Variants in PARD3B observed in about 807,000 individuals in gnomAD.
PARD3B encodes par-3 family cell polarity regulator beta.
Under a neutral mutation model 130.2 loss-of-function variants are expected in PARD3B, and 103 were observed. The observed-to-expected ratio is 0.79, with a 90% confidence interval of 0.67 to 0.93. PARD3B has a LOEUF of 0.93. Among genes scored for constraint, PARD3B ranks in the 40% least tolerant of loss-of-function variants. The pLI, the probability that PARD3B is intolerant of heterozygous loss-of-function variation, is 0.00. For synonymous variants in PARD3B, 583 were observed against 553.2 expected (o/e 1.05, Z -0.76); for missense variants, 1,609 against 1,499.2 (o/e 1.07, Z -1.21).
chr2:205,474,337 T>C (rs1457547833), intron 20 of PARD3B, among the ~76,000 whole-genome samples: 1 of 152,120 alleles, frequency 6.6e-6, no homozygotes, highest in East Asian at 1.9e-4. Context: ...TTTCTTCTGG[T>C]TTTTTGTTTG....
intron 18 of PARD3B, among the ~76,000 whole-genome samples, chr2:205,377,559 A>G (rs978392138): frequency 6.6e-6 from 1 of 151,990 alleles, no homozygotes; most frequent in African/African-American, 2.4e-5. Context: ...CCCCAGCCCT[A>G]TACTCAAAGA....
At chr2:204,775,171 G>T (rs1338824120) in intron 2 of PARD3B, among the ~76,000 whole-genome samples, 1 of 152,238 alleles carries the variant, frequency 6.6e-6, no homozygotes, top group Non-Finnish European at 1.5e-5. Context: ...AAGTAACTTT[G>T]TTCGTAAATA....
intron 1 of PARD3B, among the ~76,000 whole-genome samples, chr2:204,674,407 C>T (rs1005361981): frequency 3.6e-4 from 55 of 151,768 alleles, no homozygotes; most frequent in African/African-American, 1.2e-3. Flanking sequence ...GTTAGAGAAA[C>T]GCAGCTAACA....
rs550938627 is a variant in PARD3B at position 205,156,284 on chromosome 2, A to G, written c.1435-2438A>G. The stretch of plus-strand genomic sequence containing the variant: ...TTGTGGGGTGGGCGGGGGGGGGAGG[A>G]ATAGCATTAGGAGATATACCTAATG... On this transcript the variant is annotated intron_variant, in intron 10 of 22. Coordinates refer to ENST00000406610, the MANE Select transcript of PARD3B (RefSeq NM_001302769.2). Among the ~76,000 whole-genome samples, 868 of 145,748 alleles carry G rather than the reference A, an allele frequency of 6.0e-3. 11 individuals are homozygous for G. Among genetic ancestry groups the G allele is most frequent in the Non-Finnish European group, 8.3e-3 (553 of 66,440 alleles).
intron 4 of PARD3B, among the ~76,000 whole-genome samples, chr2:205,051,962 T>G (rs1699221025): frequency 6.6e-6 from 1 of 152,154 alleles, no homozygotes; most frequent in Non-Finnish European, 1.5e-5. Context: ...GTATAGCAAA[T>G]CCAACTCTAT....
chr2:204,934,079 A>G (rs1405161135), intron 2 of PARD3B, among the ~76,000 whole-genome samples: 1 of 152,202 alleles, frequency 6.6e-6, no homozygotes, highest in African/African-American at 2.4e-5. Context: ...TGCCTAGGGT[A>G]AAGCCATAAT....
intron 2 of PARD3B, among the ~76,000 whole-genome samples, chr2:204,705,784 G>C (rs1170229967): frequency 6.6e-6 from 1 of 152,160 alleles, no homozygotes; most frequent in Non-Finnish European, 1.5e-5. Flanking sequence ...CCAAAGCAGT[G>C]AAGTGTGTGG....
At chr2:204,953,366 A>C (rs968676256) in intron 2 of PARD3B, among the ~76,000 whole-genome samples, 3 of 151,662 alleles carry the variant, frequency 2.0e-5, no homozygotes, top group African/African-American at 7.3e-5. Flanking sequence ...ATCAGAAACA[A>C]AATTGTGTGT....
rs148850381 is a variant in PARD3B, at chr2:204,606,670, C to G, written c.120+60551C>G. Among the ~76,000 whole-genome samples, 2 of 152,116 alleles carry G rather than the reference C, an allele frequency of 1.3e-5. No homozygotes were observed. Among genetic ancestry groups the G allele is most frequent in the Non-Finnish European group, 1.5e-5 (1 of 68,030 alleles). On this transcript the variant is annotated intron_variant, in intron 1 of 22. Coordinates refer to ENST00000406610, the MANE Select transcript of PARD3B (RefSeq NM_001302769.2). This position sits in a 1 kb window ranked among gnomAD's most constrained non-coding sequence, Gnocchi z 4.0. ...AAGCTCCAGTGGCTACCACAGATGA[C>G]GCACTGGTCTCATTACCTATTCCGG...
chr2:204,901,414 G>T (rs904562683), intron 2 of PARD3B, among the ~76,000 whole-genome samples: 19 of 152,134 alleles, frequency 1.2e-4, no homozygotes, highest in African/African-American at 4.3e-4. Context: ...TACTGCTGGT[G>T]TTCATTCAAG....
intron 19 of PARD3B, among the ~76,000 whole-genome samples, chr2:205,406,038 G>A (rs1426205019): frequency 6.6e-6 from 1 of 152,078 alleles, no homozygotes; most frequent in East Asian, 1.9e-4. Flanking sequence ...GGAATATCCC[G>A]TGCCTCTCTC....
chr2:205,550,941 G>A lies in PARD3B; in HGVS notation c.3181-2383G>A, dbSNP rs184662488. On this transcript the variant is annotated intron_variant, in intron 21 of 22. Coordinates refer to ENST00000406610, the MANE Select transcript of PARD3B (RefSeq NM_001302769.2). The surrounding 1 kb of genome is among the most constrained non-coding windows in gnomAD (Gnocchi z 4.5). ...TATAATTATGTGTGTGTGTGTGTGT[G>A]TATATATATATGTGTATATATATAT... Among the ~76,000 whole-genome samples, 48,568 of 114,604 alleles carry A rather than the reference G, an allele frequency of 0.42. 9,716 individuals carry two copies. Among genetic ancestry groups the A allele is most frequent in the Admixed American group, 0.57 (6,745 of 11,812 alleles). The allele number at this position is 114,604 out of a possible 152,430, so 75.2% of individuals were successfully genotyped here.
At position 204,568,564 on chromosome 2, in the gene PARD3B, T is replaced by C. The variant is rs553019740; in HGVS notation, c.120+22445T>C. 3.9e-5 allele frequency among the ~76,000 whole-genome samples: 6 copies of C among 152,328 alleles called. No homozygotes were observed. In the East Asian group the frequency reaches 1.2e-3, roughly 29 times the overall value. On this transcript the variant is annotated intron_variant, in intron 1 of 22. Transcript: ENST00000406610. ...ATCAGTTTTCAAGTTAAGAGATTTC[T>C]CTGAAGCAGCAATTACAACACTTAT... is the stretch of plus-strand genomic sequence containing the variant.
At chr2:204,803,065 A>G (rs986445203) in intron 2 of PARD3B, among the ~76,000 whole-genome samples, 6 of 149,746 alleles carry the variant, frequency 4.0e-5, no homozygotes, top group Non-Finnish European at 8.9e-5. Flanking sequence ...GTTGTGCTCC[A>G]GTACATCTGG....
chr2:205,471,210 C>T (rs1270584633), intron 20 of PARD3B, among the ~76,000 whole-genome samples: 1 of 152,136 alleles, frequency 6.6e-6, no homozygotes, highest in Non-Finnish European at 1.5e-5. Flanking sequence ...CATGGCTTAA[C>T]ATCTTCCATT....
At chr2:204,977,573 G>A (rs556441693) in intron 3 of PARD3B, among the ~76,000 whole-genome samples, 30 of 152,290 alleles carry the variant, frequency 2.0e-4, no homozygotes, top group African/African-American at 7.2e-4. Context: ...ACTCTGGGAG[G>A]CCTAGGCGGG....
At chr2:204,583,330 A>G (rs530775073) in intron 1 of PARD3B, among the ~76,000 whole-genome samples, 1 of 104,952 alleles carries the variant, frequency 9.5e-6, no homozygotes, top group Admixed American at 1.1e-4. Context: ...TTGTAGGGAC[A>G]TGGATGAAAT....
intron 22 of PARD3B, among the ~76,000 whole-genome samples, chr2:205,569,202 C>G (rs1306603619): frequency 6.6e-6 from 1 of 150,974 alleles, no homozygotes; most frequent in Non-Finnish European, 1.5e-5. Flanking sequence ...TGTAGCTTAT[C>G]TGTTTGCATG....
chr2:205,521,425 T>G (rs2106399100), intron 21 of PARD3B, among the ~76,000 whole-genome samples: 1 of 152,258 alleles, frequency 6.6e-6, no homozygotes, highest in East Asian at 1.9e-4. Context: ...TTTTCTAACT[T>G]CGTCAATAGA....
Sources: allele counts gnomAD v4.1 joint callset (sites outside exome capture counted in the v4.1 genomes callset), GRCh38; gene constraint gnomAD v4.1.1; non-coding constraint Gnocchi (gnomAD v3.1); transcripts MANE v1.5; gene names NCBI Gene and HGNC (gene_info 2026-07-23, HGNC 2026-07-21).